Variants in C10orf88 observed in about 807,000 individuals in gnomAD.
C10orf88 encodes the protein chromosome 10 open reading frame 88.
In C10orf88, 29 loss-of-function variants were observed where a neutral mutation model predicts 34.2. The observed-to-expected ratio is 0.85, with a 90% confidence interval of 0.63 to 1.16. The LOEUF is 1.16. C10orf88 is among the 50% of genes most tolerant of loss of function. C10orf88 has a pLI of 0.00. For missense variants in C10orf88, 507 were observed against 533.2 expected, an observed-to-expected ratio of 0.95 and a Z score of 0.48; for synonymous variants, 194 against 197.4, an observed-to-expected ratio of 0.98 and a Z score of 0.15.
At position 122,954,108 on chromosome 10, in the gene C10orf88, C is replaced by G. The variant is rs1243615281; in HGVS notation, c.71G>C (p.Gly24Ala). 1 of 1,587,052 alleles carries G rather than the reference C, an allele frequency of 6.3e-7. No individual in the cohort carries two copies. Among genetic ancestry groups the G allele is most frequent in the African/African-American group, 1.4e-5 (1 of 73,482 alleles). The change falls in exon 1 of 6, where the codon GGC (glycine) becomes GCC (alanine). Residue 24 changes from glycine (G) to alanine (A), a missense_variant. By Grantham distance (60) the Gly-to-Ala change is moderately conservative (BLOSUM62 0). Coordinates refer to ENST00000481909, the MANE Select transcript of C10orf88 (RefSeq NM_024942.4). ...GAGGAGGCTGTGGGTCAGGGCCCCG[C>G]CTGCAACATCCCAAGAAGAGGCCAG... ...PTLASSWDVA[G>A]GALTHSLLLT...
At chr10:122,936,170 G>C (rs1259662590) in intron 5 of C10orf88, among the ~76,000 whole-genome samples, 1 of 151,718 alleles carries the variant, frequency 6.6e-6, no homozygotes, top group African/African-American at 2.4e-5. Context: ...ATTTCATGTT[G>C]GCTGAGTTTG....
At chr10:122,938,466 T>C (rs983621396) in intron 4 of C10orf88, among the ~76,000 whole-genome samples, 1 of 152,072 alleles carries the variant, frequency 6.6e-6, no homozygotes, top group Non-Finnish European at 1.5e-5. Flanking sequence ...CTAGCATGAA[T>C]AGTCAAACTG....
At chr10:122,944,580 G>C (rs1431056897) in intron 4 of C10orf88, among the ~76,000 whole-genome samples, 1 of 151,968 alleles carries the variant, frequency 6.6e-6, no homozygotes, top group African/African-American at 2.4e-5. Flanking sequence ...AACTCACTTA[G>C]ACATGACTGT....
chr10:122,937,618 C>T (rs1188685340), intron 5 of C10orf88, 87 bp downstream of exon 5: 1 of 1,188,062 alleles, frequency 8.4e-7, no homozygotes, highest in Admixed American at 2.3e-5. Flanking sequence ...AAATTTTAGG[C>T]AGTACTCATT....
At chr10:122,948,250 C>G (rs1848657380) in intron 4 of C10orf88, among the ~76,000 whole-genome samples, 1 of 151,974 alleles carries the variant, frequency 6.6e-6, no homozygotes, top group Non-Finnish European at 1.5e-5. Context: ...CTAATCCCAC[C>G]CTACATTTTA....
intron 4 of C10orf88, among the ~76,000 whole-genome samples, chr10:122,948,423 G>GA (rs1589697506): frequency 6.6e-6 from 1 of 151,986 alleles, no homozygotes; most frequent in African/African-American, 2.4e-5. Flanking sequence ...TTTACTGCAA[G>GA]AAAAAAATCT....
At chr10:122,940,724 T>C (rs985695740) in intron 4 of C10orf88, among the ~76,000 whole-genome samples, 2 of 152,078 alleles carry the variant, frequency 1.3e-5, no homozygotes, top group Non-Finnish European at 2.9e-5. Context: ...TTTCTCTTTA[T>C]GTGAGCCTCC....
chr10:122,953,995 T>A lies in C10orf88; in HGVS notation c.164+20A>T. On this transcript the variant is annotated intron_variant, in intron 1 of 5. Transcript: ENST00000481909. ...GCAGTTGCCGAGCATAGCGACCCCG[T>A]CCCCGTCGGCCCGGCGCACCCTGGA... The A allele has an allele frequency of 6.6e-7, 1 of 1,506,334 alleles. No homozygotes were observed. Among genetic ancestry groups the A allele is most frequent in the Non-Finnish European group, 8.8e-7 (1 of 1,132,534 alleles). 93.3% of individuals were successfully genotyped at this position (1,506,334 alleles called of 1,614,324 possible).
chr10:122,938,075 T>C lies in C10orf88; in HGVS notation c.733A>G (p.Thr245Ala), dbSNP rs1225303027. 1 of 1,613,162 alleles carries C rather than the reference T, an allele frequency of 6.2e-7. No individual in the cohort carries two copies. Among genetic ancestry groups the C allele is most frequent in the Non-Finnish European group, 8.5e-7 (1 of 1,179,346 alleles). Residue 245 changes from threonine (T) to alanine (A), a missense_variant, in exon 5 of 6, where the codon ACC becomes GCC. Physicochemically the swap from Thr to Ala is moderately conservative, Grantham distance 58. Coordinates refer to ENST00000481909, the MANE Select transcript of C10orf88 (RefSeq NM_024942.4). Reference sequence around the variant, plus strand: ...GACGACTTGTTTAAGGTTCCTAAGGTAGATGAGGATTGTAGTCCAATCATA... The same window carrying C: ...GACGACTTGTTTAAGGTTCCTAAGGCAGATGAGGATTGTAGTCCAATCATA... ...KHMIGLQSSSTLGTLNKSSST... is the reference protein window; with the variant it reads ...KHMIGLQSSSALGTLNKSSST...
chr10:122,942,107 T>C (rs1848589668), intron 4 of C10orf88, among the ~76,000 whole-genome samples: 1 of 152,172 alleles, frequency 6.6e-6, no homozygotes, highest in Non-Finnish European at 1.5e-5. Context: ...TCTAGTTTCA[T>C]TTTTTCCTAG....
At chr10:122,953,627 G>A (rs749395233) in intron 1 of C10orf88, among the ~76,000 whole-genome samples, 16 of 152,324 alleles carry the variant, frequency 1.1e-4, no homozygotes, top group Admixed American at 2.6e-4. Context: ...TATCTTTTTC[G>A]AAATTAAGTC....
In C10orf88 at chr10:122,947,419, TATTA is replaced by T. The variant is rs571017828; in HGVS notation, c.648+1226_648+1229del. On this transcript the variant is annotated intron_variant, in intron 4 of 5. Transcript: ENST00000481909. ...CATGAGGAATTCATATTGAAAAAAA[TATTA>T]ATTAACTTGCCATAGGATGCAGAAC... Among the ~76,000 whole-genome samples, 9 of 152,304 alleles carry T rather than the reference TATTA, an allele frequency of 5.9e-5. 1 individual carries two copies. The South Asian group carries it at 1.9e-3, about 32-fold the overall frequency.
intron 4 of C10orf88, among the ~76,000 whole-genome samples, chr10:122,943,104 C>T (rs1848601954): frequency 6.6e-6 from 1 of 151,472 alleles, no homozygotes; most frequent in African/African-American, 2.4e-5. Context: ...GGAGGCATCA[C>T]ACTGCCTGAC....
chr10:122,947,724 C>T (rs1848652768), intron 4 of C10orf88, among the ~76,000 whole-genome samples: 2 of 152,272 alleles, frequency 1.3e-5, no homozygotes, highest in South Asian at 2.1e-4. Flanking sequence ...AAATTAAATT[C>T]CTTTTTCCTC....
At chr10:122,948,887 G>A (rs776856589) in intron 3 of C10orf88, 32 bp from the exon 4 acceptor site, 8 of 1,563,196 alleles carry the variant, frequency 5.1e-6, no homozygotes, top group Non-Finnish European at 7.0e-6. Flanking sequence ...AGAAAAGAAT[G>A]ATATTAAAAA....
chr10:122,951,870 G>T, intron 3 of C10orf88, 84 bp downstream of exon 3: 1 of 826,478 alleles, frequency 1.2e-6, no homozygotes, highest in Non-Finnish European at 2.0e-6. Context: ...TGGACTAATT[G>T]TATTACTAAT....
chr10:122,949,261 A>C (rs763717894), intron 3 of C10orf88, among the ~76,000 whole-genome samples: 7 of 152,174 alleles, frequency 4.6e-5, no homozygotes, highest in Admixed American at 6.5e-5. Context: ...ACCTATGATA[A>C]AGTTTAATTT....
intron 4 of C10orf88, among the ~76,000 whole-genome samples, chr10:122,945,327 T>C (rs1245920285): frequency 6.6e-6 from 1 of 152,222 alleles, no homozygotes; most frequent in African/African-American, 2.4e-5. Flanking sequence ...TGTATACTAC[T>C]TAGTAATAAT....
intron 5 of C10orf88, among the ~76,000 whole-genome samples, chr10:122,936,429 T>G (rs1848534456): frequency 6.6e-6 from 1 of 151,960 alleles, no homozygotes; most frequent in Non-Finnish European, 1.5e-5. Context: ...TGATTTTGTT[T>G]GCTTGTTTTC....
Sources: allele counts gnomAD v4.1 joint callset (sites outside exome capture counted in the v4.1 genomes callset), GRCh38; gene constraint gnomAD v4.1.1; transcripts MANE v1.5; gene names NCBI Gene and HGNC (gene_info 2026-07-23, HGNC 2026-07-21).